Variants in TRIO observed in about 807,000 individuals in gnomAD.
TRIO encodes triple functional domain protein.
TRIO carries 58 observed loss-of-function variants against 351.9 expected under a neutral mutation model. That is an observed-to-expected ratio of 0.16 (90% confidence interval 0.13 to 0.21). The LOEUF (loss-of-function observed/expected upper bound fraction) is 0.21, where lower values mean the gene tolerates loss of function less well. Among genes scored for constraint, TRIO ranks in the 10% least tolerant of loss-of-function variants. The pLI is 1.00. For missense variants in TRIO, 3,201 were observed against 4,027.8 expected (o/e 0.79, Z 5.56); for synonymous variants, 1,758 against 1,595.7 (o/e 1.10, Z -2.42).
At chr5:14,424,590 A>G (rs1163922817) in intron 34 of TRIO, among the ~76,000 whole-genome samples, 2 of 152,276 alleles carry the variant, frequency 1.3e-5, no homozygotes, top group East Asian at 3.9e-4. Context: ...TACTATGGTA[A>G]AATCTGTGCC....
At chr5:14,381,102 T>A (rs1746063570) in intron 20 of TRIO, 28 bp from the exon 21 acceptor site, 1 of 1,607,364 alleles carries the variant, frequency 6.2e-7, no homozygotes, top group African/African-American at 1.3e-5. Flanking sequence ...TGTAGCCCTC[T>A]GACTCCATTC....
intron 33 of TRIO, among the ~76,000 whole-genome samples, chr5:14,415,671 G>A (rs77955596): frequency 0.014 from 2,057 of 152,238 alleles, 24 homozygotes; most frequent in Middle Eastern, 0.027. Flanking sequence ...TCATTCTCTC[G>A]GGTGAAACAC....
chr5:14,176,803 A>AT (rs892074741), intron 1 of TRIO, among the ~76,000 whole-genome samples: 1 of 152,070 alleles, frequency 6.6e-6, no homozygotes, highest in Non-Finnish European at 1.5e-5. Flanking sequence ...CAAAAGTAAC[A>AT]TTTTTTGCTT....
intron 1 of TRIO, among the ~76,000 whole-genome samples, chr5:14,269,995 T>C (rs1351547516): frequency 6.6e-6 from 1 of 152,206 alleles, no homozygotes; most frequent in African/African-American, 2.4e-5. Flanking sequence ...TATCCAGTTA[T>C]TATGATGAGT....
At chr5:14,179,775 T>C (rs1305647946) in intron 1 of TRIO, among the ~76,000 whole-genome samples, 2 of 152,138 alleles carry the variant, frequency 1.3e-5, no homozygotes, top group African/African-American at 4.8e-5. Context: ...TTCATTTGAT[T>C]TTTGAACATG....
intron 1 of TRIO, among the ~76,000 whole-genome samples, chr5:14,222,424 T>C (rs1448929395): frequency 6.6e-6 from 1 of 152,224 alleles, no homozygotes; most frequent in Non-Finnish European, 1.5e-5. Context: ...GTAGGTTAGA[T>C]GATGTCTTAG....
At chr5:14,171,897 A>T (rs1017986678) in intron 1 of TRIO, among the ~76,000 whole-genome samples, 2 of 152,182 alleles carry the variant, frequency 1.3e-5, no homozygotes, top group Non-Finnish European at 2.9e-5. Flanking sequence ...GTTATAGAAG[A>T]TTATGTATAC....
rs376866089 is a variant in TRIO, at chr5:14,280,367, G to A, written c.278G>A (p.Arg93His). ...RGGPILTFPA[R>H]SNHDRIRQED... ...GGTCCCATTTTAACGTTTCCGGCCC[G>A]CAGCAATCATGACAGAATACGACAG... Residue 93 changes from arginine to histidine, a missense_variant, in exon 3 of 57, where the codon CGC becomes CAC. Around this residue, in one of 19 missense-constraint regions of TRIO, gnomAD observed 109 missense variants for 134.6 expected, o/e 0.81. Coordinates refer to ENST00000344204, the MANE Select transcript of TRIO (RefSeq NM_007118.4). 1.1e-5 allele frequency: 18 copies of A among 1,613,962 alleles called. No homozygotes were observed. The highest frequency in any genetic ancestry group is 2.7e-5 in the African/African-American group (2 of 74,898).
intron 34 of TRIO, among the ~76,000 whole-genome samples, chr5:14,424,697 G>T (rs1268493435): frequency 2.0e-5 from 3 of 152,186 alleles, no homozygotes; most frequent in Non-Finnish European, 2.9e-5. Context: ...AAGAGAAGAC[G>T]CAGGGACTGT....
At chr5:14,172,853 CAT>C (rs1789181724) in intron 1 of TRIO, among the ~76,000 whole-genome samples, 1 of 152,164 alleles carries the variant, frequency 6.6e-6, no homozygotes, top group Non-Finnish European at 1.5e-5. Flanking sequence ...AGGCAGGTGT[CAT>C]ATCCTTGAGC....
chr5:14,195,641 A>G (rs937051429), intron 1 of TRIO, among the ~76,000 whole-genome samples: 1 of 152,206 alleles, frequency 6.6e-6, no homozygotes, highest in African/African-American at 2.4e-5. Flanking sequence ...TAATTTTTAA[A>G]TTCTTCCGCT....
intron 1 of TRIO, among the ~76,000 whole-genome samples, chr5:14,211,031 C>G (rs1393839574): frequency 6.6e-6 from 1 of 152,094 alleles, no homozygotes; most frequent in African/African-American, 2.4e-5. Context: ...TTGGAAATTG[C>G]TGAGGTTTAC....
chr5:14,459,739 AAAAC>A (rs1200801241), intron 34 of TRIO, among the ~76,000 whole-genome samples: 2 of 151,904 alleles, frequency 1.3e-5, no homozygotes, highest in African/African-American at 2.4e-5. Flanking sequence ...CTCCATCTGA[AAAAC>A]AAAACAAAGA....
chr5:14,358,480 A>T, intron 12 of TRIO, 133 bp downstream of exon 12: 3 of 991,778 alleles, frequency 3.0e-6, no homozygotes, highest in South Asian at 4.4e-5. Flanking sequence ...GTGTCTGTGA[A>T]GGCAAAGGAG....
chr5:14,491,940 T>C (rs1453146635), intron 48 of TRIO, among the ~76,000 whole-genome samples: 1 of 152,208 alleles, frequency 6.6e-6, no homozygotes, highest in Non-Finnish European at 1.5e-5. Flanking sequence ...TTCGTATTGC[T>C]GGAGACAGAG....
chr5:14,204,780 G>A (rs1446006557), intron 1 of TRIO, among the ~76,000 whole-genome samples: 2 of 152,180 alleles, frequency 1.3e-5, no homozygotes, highest in African/African-American at 4.8e-5. Context: ...CCTGACCTGG[G>A]CAAGTGCCTT....
chr5:14,371,489 T>C (rs1252027738), intron 18 of TRIO, among the ~76,000 whole-genome samples: 2 of 152,238 alleles, frequency 1.3e-5, no homozygotes, highest in African/African-American at 4.8e-5. Flanking sequence ...TTTAAAATTC[T>C]AGATATATCA....
intron 30 of TRIO, among the ~76,000 whole-genome samples, chr5:14,400,708 C>T (rs1748000051): frequency 6.6e-6 from 1 of 152,090 alleles, no homozygotes; most frequent in Non-Finnish European, 1.5e-5. Flanking sequence ...GTTTCCTTCC[C>T]CTGAATTTTT....
chr5:14,465,944 C>T (rs1754223601), intron 37 of TRIO: 1 of 342,414 alleles, frequency 2.9e-6, no homozygotes, highest in African/African-American at 2.1e-5. Flanking sequence ...CAGCCATGCT[C>T]TCCCAGTGGA....
Sources: gnomAD v4.1 joint callset for allele counts (sites outside exome capture counted in the v4.1 genomes callset) on GRCh38, gnomAD v4.1.1 for gene constraint, gnomAD v4.1.1 regional missense constraint, MANE v1.5 for transcripts, NCBI Gene and HGNC (gene_info 2026-07-23, HGNC 2026-07-21) for gene names.